Variants in YLPM1 observed in about 807,000 individuals in gnomAD.
YLPM1 encodes the protein YLP motif containing 1.
Under a neutral mutation model 230.0 loss-of-function variants are expected in YLPM1, and 99 were observed. The observed-to-expected ratio is 0.43, with a 90% CI of 0.37 to 0.51. The LOEUF is 0.51. YLPM1 is among the 20% of genes least tolerant of loss of function. The pLI is 0.00. For synonymous variants in YLPM1, 984 were observed against 942.5 expected (o/e 1.04, Z -0.81); for missense variants, 2,592 against 2,707.7 (o/e 0.96, Z 0.95).
chr14:74,820,696 T>G (rs559294857), intron 16 of YLPM1, among the ~76,000 whole-genome samples: 1 of 152,338 alleles, frequency 6.6e-6, no homozygotes, highest in South Asian at 2.1e-4. Flanking sequence ...CACTATACTT[T>G]TTCTTATATT....
chr14:74,824,178 T>C (rs1453237202), intron 17 of YLPM1, 78 bp from the exon 18 acceptor site: 3 of 1,417,682 alleles, frequency 2.1e-6, no homozygotes, highest in Non-Finnish European at 2.9e-6. Flanking sequence ...CCAGTTTTAA[T>C]GCTTTTCCAG....
chr14:74,812,693 C>T lies in YLPM1; in HGVS notation c.5413C>T (p.Pro1805Ser). ...LPAPSLSHQP[P>S]PAPRVEKKPE... is the part of the protein sequence containing the mutation. ...AGCTCCTTCACTGAGCCACCAGCCT[C>T]CTCCAGCTCCACGAGTCGAGAAGAA... is the stretch of plus-strand genomic sequence containing the variant. Residue 1805 changes from proline (P) to serine (S), a missense_variant, in exon 11 of 21, where the codon CCT becomes TCT. Coordinates refer to ENST00000325680, the MANE Select transcript of YLPM1 (RefSeq NM_019589.3). 1.2e-6 allele frequency: 2 copies of T among 1,613,634 alleles called. No individual in the cohort carries two copies. The highest frequency in any genetic ancestry group is 8.5e-7 in the Non-Finnish European group (1 of 1,179,742).
intron 6 of YLPM1, among the ~76,000 whole-genome samples, chr14:74,804,813 C>T (rs1177975353): frequency 2.6e-5 from 4 of 152,168 alleles, no homozygotes; most frequent in Non-Finnish European, 5.9e-5. Flanking sequence ...CCAGATTGTA[C>T]ATCCACATTT....
At chr14:74,794,819 G>T (rs1402636762) in intron 4 of YLPM1, among the ~76,000 whole-genome samples, 1 of 151,866 alleles carries the variant, frequency 6.6e-6, no homozygotes, top group African/African-American at 2.4e-5. Context: ...AATTAAGGAA[G>T]AAATATTTGT....
rs776114802 is a variant in YLPM1, at chr14:74,798,862, C to T, written c.3565C>T (p.Pro1189Ser). The change falls in exon 5 of 21, where the codon CCT becomes TCT. Residue 1189 changes from proline to serine, a missense_variant. Pro to Ser is a moderately conservative substitution (Grantham distance 74). Transcript: ENST00000325680. ...GTATCCATATCACCGGGATGAGCCT[C>T]CTAGGGCTCCATGGAACCATGGAGA... ...KMYPYHRDEP[P>S]RAPWNHGEER... 1.2e-6 allele frequency: 2 copies of T among 1,613,672 alleles called. No individual in the cohort carries two copies. The highest frequency in any genetic ancestry group is 2.7e-5 in the African/African-American group (2 of 74,844).
At chr14:74,786,090 G>A (rs994665116) in intron 4 of YLPM1, among the ~76,000 whole-genome samples, 2 of 152,024 alleles carry the variant, frequency 1.3e-5, no homozygotes, top group African/African-American at 4.8e-5. Context: ...GGCCAGGTGC[G>A]GTTGCTCATG....
intron 1 of YLPM1, among the ~76,000 whole-genome samples, chr14:74,765,974 A>T (rs1566734059): frequency 6.6e-6 from 1 of 151,804 alleles, no homozygotes; most frequent in Non-Finnish European, 1.5e-5. Flanking sequence ...ATTCATCCTA[A>T]CCTCCTCAAC....
In YLPM1 at chr14:74,798,710, G is replaced by T; in HGVS notation, c.3413G>T (p.Arg1138Ile). 6.2e-7 allele frequency: 1 copy of T among 1,612,142 alleles called. No homozygotes were observed. ...AGTAGAGAGAGAATACCACCCCGAA[G>T]AGCTGGGAGCAGGGAGAGAGGACCA... ...AGSRERIPPRRAGSRERGPPR... is the reference protein window; with the variant it reads ...AGSRERIPPRIAGSRERGPPR... The change falls in exon 5 of 21, where the codon AGA becomes ATA. Residue 1138 changes from arginine to isoleucine, a missense_variant. Arg to Ile is a moderately conservative substitution (Grantham distance 97, BLOSUM62 -3). Transcript: ENST00000325680.
At chr14:74,834,284 A>G (rs1020430094) in intron 19 of YLPM1, among the ~76,000 whole-genome samples, 2 of 152,090 alleles carry the variant, frequency 1.3e-5, no homozygotes, top group Non-Finnish European at 2.9e-5. Flanking sequence ...TCCCTGATCC[A>G]TATATTTGTA....
At chr14:74,817,543 T>C (rs1210471108) in intron 15 of YLPM1, among the ~76,000 whole-genome samples, 1 of 152,228 alleles carries the variant, frequency 6.6e-6, no homozygotes, top group Non-Finnish European at 1.5e-5. Flanking sequence ...GTATACTCCA[T>C]GATGTTCACA....
chr14:74,833,703 T>C (rs542329695), intron 19 of YLPM1, among the ~76,000 whole-genome samples: 8 of 152,238 alleles, frequency 5.3e-5, no homozygotes, highest in Non-Finnish European at 1.0e-4. Flanking sequence ...ACTAAAAACC[T>C]ACTTTCTGGA....
At chr14:74,812,050 A>G (rs773554303) in intron 10 of YLPM1, among the ~76,000 whole-genome samples, 9 of 152,198 alleles carry the variant, frequency 5.9e-5, no homozygotes, top group East Asian at 5.8e-4. Context: ...TAATAATACA[A>G]TTTCTTTATC....
intron 18 of YLPM1, chr14:74,827,430 A>G (rs2091573321): frequency 2.0e-6 from 2 of 985,296 alleles, no homozygotes; most frequent in African/African-American, 3.5e-5. Context: ...CTTTAAACAT[A>G]TTTGCACAAT....
chr14:74,782,469 C>T (rs1277913202), intron 4 of YLPM1, 144 bp downstream of exon 4: 4 of 986,346 alleles, frequency 4.1e-6, no homozygotes, highest in Admixed American at 3.7e-5. Flanking sequence ...TAAGACATCA[C>T]GTATGTAATC....
intron 6 of YLPM1, among the ~76,000 whole-genome samples, chr14:74,806,777 C>T (rs1240053223): frequency 6.6e-6 from 1 of 150,548 alleles, no homozygotes; most frequent in Non-Finnish European, 1.5e-5. Context: ...CTGTTTGTGT[C>T]CTTCACCCAT....
chr14:74,787,007 AGTG>A (rs1352963100), intron 4 of YLPM1, among the ~76,000 whole-genome samples: 1 of 152,224 alleles, frequency 6.6e-6, no homozygotes, highest in Non-Finnish European at 1.5e-5. Context: ...GTGGATGTTT[AGTG>A]GTATCATGAT....
rs1044905179 is a variant in YLPM1, at chr14:74,799,139, A to G, written c.3842A>G (p.Glu1281Gly). ...DQDMDEDYNR[E>G]MERDMDRDVD... ...GATATGGATGAGGACTACAATAGGG[A>G]AATGGAAAGGGACATGGACAGGGAT... Residue 1281 changes from glutamate to glycine, a missense_variant, in exon 5 of 21, where the codon GAA becomes GGA. Coordinates refer to ENST00000325680, the MANE Select transcript of YLPM1 (RefSeq NM_019589.3). The G allele has an allele frequency of 6.2e-7, 1 of 1,613,830 alleles. No homozygotes were observed.
At chr14:74,824,203 G>A (rs1045001441) in intron 17 of YLPM1, 53 bp from the exon 18 acceptor site, 1 of 1,560,760 alleles carries the variant, frequency 6.4e-7, no homozygotes, top group Non-Finnish European at 8.8e-7. Context: ...AACGTGATAT[G>A]CATGTATGTG....
intron 19 of YLPM1, among the ~76,000 whole-genome samples, chr14:74,831,273 A>G (rs1387536677): frequency 6.6e-6 from 1 of 152,186 alleles, no homozygotes; most frequent in Non-Finnish European, 1.5e-5. Flanking sequence ...TCCAGGTTTC[A>G]AAGCTTTTTA....
Sources: gnomAD v4.1 joint callset for allele counts (sites outside exome capture counted in the v4.1 genomes callset) on GRCh38, gnomAD v4.1.1 for gene constraint, MANE v1.5 for transcripts, NCBI Gene and HGNC (gene_info 2026-07-23, HGNC 2026-07-21) for gene names.